Variants in PLPP1 observed in about 807,000 individuals in gnomAD.
PLPP1 encodes phospholipid phosphatase 1.
Under a neutral mutation model 31.2 loss-of-function variants are expected in PLPP1, and 24 were observed. That is an observed-to-expected ratio of 0.77 (90% confidence interval 0.56 to 1.08). The LOEUF (loss-of-function observed/expected upper bound fraction) is 1.08. Ranked by LOEUF, PLPP1 falls within the 50% of genes least tolerant of loss-of-function variation. PLPP1 has a pLI of 0.00. For synonymous variants in PLPP1, 146 were observed against 126.3 expected (o/e 1.16, Z -1.05); for missense variants, 319 against 342.7 (o/e 0.93, Z 0.55).
At chr5:55,529,005 A>G (rs1174275586) in intron 1 of PLPP1, among the ~76,000 whole-genome samples, 9 of 152,278 alleles carry the variant, frequency 5.9e-5, no homozygotes, top group East Asian at 3.9e-4. Context: ...GTCACACATT[A>G]TATCTGAGAA....
intron 1 of PLPP1, among the ~76,000 whole-genome samples, chr5:55,496,645 T>C (rs1424935767): frequency 6.6e-6 from 1 of 152,236 alleles, no homozygotes; most frequent in Non-Finnish European, 1.5e-5. Context: ...ATCTGTTTCC[T>C]ATCAGGGCCA....
intron 2 of PLPP1, among the ~76,000 whole-genome samples, chr5:55,474,013 T>C (rs1010201999): frequency 7.9e-5 from 12 of 151,184 alleles, no homozygotes; most frequent in South Asian, 4.2e-4. Context: ...TTTTTTTTTT[T>C]CCAGACGGAG....
At chr5:55,467,316 T>C (rs1164082867) in intron 3 of PLPP1, among the ~76,000 whole-genome samples, 1 of 152,150 alleles carries the variant, frequency 6.6e-6, no homozygotes, top group Admixed American at 6.5e-5. Flanking sequence ...TTAAGTATTG[T>C]CTATGGCTGC....
intron 1 of PLPP1, among the ~76,000 whole-genome samples, chr5:55,512,449 C>A (rs1309787674): frequency 6.0e-5 from 7 of 116,568 alleles, no homozygotes; most frequent in Admixed American, 9.3e-5. Context: ...CCAGCCTGGG[C>A]AACAGAGCAA....
intron 1 of PLPP1, among the ~76,000 whole-genome samples, chr5:55,522,677 C>T (rs1319410448): frequency 6.6e-6 from 1 of 151,930 alleles, no homozygotes; most frequent in East Asian, 1.9e-4. Flanking sequence ...ATATTTAAGC[C>T]ATCTAAAATA....
intron 3 of PLPP1, among the ~76,000 whole-genome samples, chr5:55,442,981 C>T (rs13166772): frequency 0.86 from 129,888 of 151,110 alleles, 56,219 homozygotes; most frequent in South Asian, 0.92. Flanking sequence ...CTTTTCCCTA[C>T]GTAAGAATAA....
chr5:55,442,392 TC>T (rs1751640717), intron 3 of PLPP1, among the ~76,000 whole-genome samples: 1 of 152,084 alleles, frequency 6.6e-6, no homozygotes, highest in Admixed American at 6.6e-5. Context: ...AGTGGCTCAG[TC>T]CTGTAATCCC....
intron 1 of PLPP1, among the ~76,000 whole-genome samples, chr5:55,475,697 T>C (rs1752535046): frequency 6.6e-6 from 1 of 152,158 alleles, no homozygotes; most frequent in Non-Finnish European, 1.5e-5. Context: ...TAACAAAGAG[T>C]TATCTTTCCT....
chr5:55,495,562 A>G (rs1752987694), intron 1 of PLPP1, among the ~76,000 whole-genome samples: 1 of 152,198 alleles, frequency 6.6e-6, no homozygotes, highest in Admixed American at 6.5e-5. Context: ...AGAACTGAGT[A>G]AAGACTGAGG....
At chr5:55,435,942 A>G (rs1751481922) in intron 4 of PLPP1, among the ~76,000 whole-genome samples, 1 of 150,408 alleles carries the variant, frequency 6.6e-6, no homozygotes, top group African/African-American at 2.4e-5. Context: ...TGAACCCAGA[A>G]GGCGGAGGTT....
intron 2 of PLPP1, among the ~76,000 whole-genome samples, chr5:55,475,026 C>T (rs1293625537): frequency 6.6e-6 from 1 of 151,702 alleles, no homozygotes; most frequent in Non-Finnish European, 1.5e-5. Flanking sequence ...TTATAGTATC[C>T]AACTCCGAGA....
chr5:55,499,722 C>T (rs894024567), intron 1 of PLPP1, among the ~76,000 whole-genome samples: 3 of 152,066 alleles, frequency 2.0e-5, no homozygotes, highest in Non-Finnish European at 2.9e-5. Context: ...TTATATGGCC[C>T]TTCTCATATA....
chr5:55,530,085 G>T (rs551599376), intron 1 of PLPP1: 6 of 786,818 alleles, frequency 7.6e-6, no homozygotes, highest in East Asian at 7.3e-5. Context: ...TTACTGAAAC[G>T]GTGACTTCAT....
Position 55,495,904 on chromosome 5 carries a change from G to C in PLPP1, c.59-20454C>G, listed in dbSNP as rs1032379688. Among the ~76,000 whole-genome samples the C allele has an allele frequency of 1.6e-4, 25 of 152,008 alleles. 1 individual carries two copies. Among genetic ancestry groups the C allele is most frequent in the African/African-American group, 5.8e-4 (24 of 41,376 alleles). The stretch of plus-strand genomic sequence containing the variant: ...GAGTCTTGCTCTGTCGCCCAGGCTG[G>C]AGTAGTGCAGAGGTGCGATCTTGGC... On this transcript the variant is annotated intron_variant, in intron 1 of 5. Coordinates refer to ENST00000307259, the MANE Select transcript of PLPP1 (RefSeq NM_003711.4).
At chr5:55,435,028 T>C (rs932401386) in intron 4 of PLPP1, among the ~76,000 whole-genome samples, 1 of 152,086 alleles carries the variant, frequency 6.6e-6, no homozygotes, top group Non-Finnish European at 1.5e-5. Context: ...CCAGGACATA[T>C]AAGGAACTCA....
chr5:55,465,545 G>C (rs914033592), intron 3 of PLPP1, among the ~76,000 whole-genome samples: 1 of 152,098 alleles, frequency 6.6e-6, no homozygotes, highest in African/African-American at 2.4e-5. Flanking sequence ...AACAATATCT[G>C]ATAATAAACA....
intron 1 of PLPP1, among the ~76,000 whole-genome samples, chr5:55,488,012 G>A (rs1015555168): frequency 1.3e-5 from 2 of 151,958 alleles, no homozygotes; most frequent in Non-Finnish European, 2.9e-5. Flanking sequence ...CACGGCAGTT[G>A]TAGTGAGCCA....
At chr5:55,506,263 T>TAAAAAAAAAAAA (rs201809819) in intron 1 of PLPP1, among the ~76,000 whole-genome samples, 1 of 128,550 alleles carries the variant, frequency 7.8e-6, no homozygotes. Context: ...AGCAAATTAC[T>TAAAAAAAAAAAA]AAAAAAAAAA....
intron 4 of PLPP1, among the ~76,000 whole-genome samples, chr5:55,426,782 T>A (rs571036359): frequency 6.6e-6 from 1 of 152,172 alleles, no homozygotes; most frequent in Non-Finnish European, 1.5e-5. Context: ...GCTCTGGGCC[T>A]ATCTAGGGAC....
Sources: gnomAD v4.1 joint callset for allele counts (sites outside exome capture counted in the v4.1 genomes callset) on GRCh38, gnomAD v4.1.1 for gene constraint, MANE v1.5 for transcripts, NCBI Gene and HGNC (gene_info 2026-07-23, HGNC 2026-07-21) for gene names.